PDE4B: variants seen among roughly 807,000 people sequenced by gnomAD.
PDE4B encodes phosphodiesterase 4B.
Under a neutral mutation model 82.2 loss-of-function variants are expected in PDE4B, and 20 were observed. The ratio of observed to expected loss-of-function variants is 0.24; its 90% CI spans 0.17 to 0.35. PDE4B has a LOEUF of 0.35. Among genes scored for constraint, PDE4B ranks in the 10% least tolerant of loss-of-function variants. The probability of loss-of-function intolerance (pLI) is 1.00; values close to 1 mark genes in which losing one functional copy is unlikely to be tolerated. For missense variants in PDE4B, 655 were observed against 907.2 expected (o/e 0.72, Z 3.57); for synonymous variants, 320 against 318.9 (o/e 1.00, Z -0.04).
intron 3 of PDE4B, among the ~76,000 whole-genome samples, chr1:66,174,348 A>G (rs1159475208): frequency 6.6e-6 from 1 of 152,212 alleles, no homozygotes; most frequent in African/African-American, 2.4e-5. Context: ...TTTGTACTAC[A>G]TGATTCTCTA....
chr1:66,193,583 G>A (rs556701640), intron 3 of PDE4B, among the ~76,000 whole-genome samples: 11 of 152,202 alleles, frequency 7.2e-5, no homozygotes, highest in East Asian at 5.8e-4. Context: ...TGGGTTCTCC[G>A]TGGTTTGGAA....
At chr1:66,308,755 C>T (rs1252733196) in intron 7 of PDE4B, among the ~76,000 whole-genome samples, 3 of 152,080 alleles carry the variant, frequency 2.0e-5, no homozygotes, top group African/African-American at 7.2e-5. Flanking sequence ...AAAAGAGTCC[C>T]ATTATGTGAG....
At chr1:66,312,111 C>T (rs984023362) in intron 7 of PDE4B, among the ~76,000 whole-genome samples, 1 of 152,186 alleles carries the variant, frequency 6.6e-6, no homozygotes, top group Non-Finnish European at 1.5e-5. Flanking sequence ...GAAAGCATTA[C>T]CTGATTTCCT....
intron 7 of PDE4B, among the ~76,000 whole-genome samples, chr1:66,326,980 C>T (rs1231261213): frequency 2.0e-5 from 3 of 152,184 alleles, no homozygotes; most frequent in Admixed American, 6.5e-5. Flanking sequence ...CTTCCCTGCA[C>T]AGATTGCAGG....
At chr1:66,229,301 G>A in intron 3 of PDE4B, among the ~76,000 whole-genome samples, 1 of 152,126 alleles carries the variant, frequency 6.6e-6, no homozygotes, top group Non-Finnish European at 1.5e-5. Context: ...GAGCCACCAT[G>A]CCCGGCCCCC....
At chr1:66,086,448 A>G (rs1398059011) in intron 3 of PDE4B, among the ~76,000 whole-genome samples, 1 of 152,156 alleles carries the variant, frequency 6.6e-6, no homozygotes, top group Non-Finnish European at 1.5e-5. Context: ...GGAATTTACT[A>G]TGATTTGCTT....
intron 3 of PDE4B, among the ~76,000 whole-genome samples, chr1:66,236,840 T>C (rs886581126): frequency 1.3e-5 from 2 of 152,210 alleles, no homozygotes; most frequent in African/African-American, 2.4e-5. Flanking sequence ...GATTCATTAA[T>C]GGATCCAACC....
chr1:65,869,562 A>G (rs968720585), intron 1 of PDE4B, among the ~76,000 whole-genome samples: 2 of 152,216 alleles, frequency 1.3e-5, no homozygotes, highest in African/African-American at 4.8e-5. Context: ...ATTAATCATC[A>G]TGAATTTAAA....
At chr1:66,020,084 C>A (rs1653004889) in intron 3 of PDE4B, among the ~76,000 whole-genome samples, 1 of 152,166 alleles carries the variant, frequency 6.6e-6, no homozygotes, top group African/African-American at 2.4e-5. Context: ...CACAATTTTT[C>A]TTTCAAAAGT....
chr1:66,221,248 C>T (rs1380247002), intron 3 of PDE4B, among the ~76,000 whole-genome samples: 1 of 152,026 alleles, frequency 6.6e-6, no homozygotes, highest in Non-Finnish European at 1.5e-5. Flanking sequence ...GCCTCTTTGC[C>T]CTTTAGTTGG....
chr1:66,366,549 G>C (rs1038210316), intron 13 of PDE4B, among the ~76,000 whole-genome samples: 2 of 152,128 alleles, frequency 1.3e-5, no homozygotes, highest in Admixed American at 1.3e-4. Context: ...TGAGCTACTT[G>C]CTGTAAAAGA....
intron 3 of PDE4B, among the ~76,000 whole-genome samples, chr1:66,145,138 A>G (rs1646244018): frequency 6.6e-6 from 1 of 152,196 alleles, no homozygotes; most frequent in Non-Finnish European, 1.5e-5. Flanking sequence ...ACATTCATCA[A>G]ACATTATTGA....
At chr1:66,008,859 C>G (rs1319604051) in intron 3 of PDE4B, among the ~76,000 whole-genome samples, 1 of 152,092 alleles carries the variant, frequency 6.6e-6, no homozygotes, top group Non-Finnish European at 1.5e-5. Context: ...CCTCATGTTC[C>G]TCAAGTCTAA....
chr1:65,884,635 G>T (rs1167193777), intron 1 of PDE4B, among the ~76,000 whole-genome samples: 1 of 152,180 alleles, frequency 6.6e-6, no homozygotes, highest in Non-Finnish European at 1.5e-5. Flanking sequence ...AATAAATGGT[G>T]CTGGGAAAAC....
At chr1:65,815,159 T>G (rs1009108478) in intron 1 of PDE4B, among the ~76,000 whole-genome samples, 1 of 151,858 alleles carries the variant, frequency 6.6e-6, no homozygotes, top group African/African-American at 2.4e-5. Flanking sequence ...CTGCACCCAC[T>G]AACTCGTCAT....
intron 3 of PDE4B, among the ~76,000 whole-genome samples, chr1:66,103,975 A>T (rs1304675621): frequency 6.6e-6 from 1 of 151,990 alleles, no homozygotes; most frequent in East Asian, 1.9e-4. Context: ...TTTAGGTTAC[A>T]TGTGCACAAT....
intron 3 of PDE4B, among the ~76,000 whole-genome samples, chr1:65,937,336 G>T (rs1388413442): frequency 6.6e-6 from 1 of 152,162 alleles, no homozygotes; most frequent in Non-Finnish European, 1.5e-5. Flanking sequence ...AAAGTGGTTG[G>T]TTCACTGAGG....
intron 1 of PDE4B, among the ~76,000 whole-genome samples, chr1:65,834,529 G>GA (rs1318754294): frequency 1.3e-5 from 2 of 152,144 alleles, no homozygotes; most frequent in Non-Finnish European, 2.9e-5. Context: ...AGAAAGGGCG[G>GA]AAAAACCAGT....
chr1:66,255,008 CTCTT>C lies in PDE4B; in HGVS notation c.477-2637_477-2634del, dbSNP rs370465153. Among the ~76,000 whole-genome samples the C allele has an allele frequency of 5.5e-3, 841 of 152,122 alleles. 10 individuals carry two copies. Among genetic ancestry groups the C allele is most frequent in the African/African-American group, 0.019 (804 of 41,510 alleles). On this transcript the variant is annotated intron_variant, in intron 4 of 16. Coordinates refer to ENST00000341517, the MANE Select transcript of PDE4B (RefSeq NM_002600.4). ...TCCCTGGCTCCTTTCTCTCTCCTCT[CTCTT>C]TTTCTTTTCTTTTCTCTTTTCTTTT...
Sources: allele counts gnomAD v4.1 joint callset (sites outside exome capture counted in the v4.1 genomes callset), GRCh38; gene constraint gnomAD v4.1.1; transcripts MANE v1.5; gene names NCBI Gene and HGNC (gene_info 2026-07-23, HGNC 2026-07-21).